Variants in DCAKD observed in about 807,000 individuals in gnomAD.
DCAKD encodes dephospho-CoA kinase domain containing.
In DCAKD, 15 loss-of-function variants were observed where a neutral mutation model predicts 18.7. That is an observed-to-expected ratio of 0.80 (90% confidence interval 0.54 to 1.24). The LOEUF is 1.24. Ranked by LOEUF, DCAKD falls within the 50% of genes most tolerant of loss-of-function variation. The pLI, the probability that DCAKD is intolerant of heterozygous loss-of-function variation, is 0.00. For synonymous variants in DCAKD, 130 were observed against 133.0 expected, an observed-to-expected ratio of 0.98 and a Z score of 0.16; for missense variants, 301 against 322.0, an observed-to-expected ratio of 0.93 and a Z score of 0.50.
At position 45,034,303 on chromosome 17, in the gene DCAKD, T is replaced by G. The variant is rs761111925; in HGVS notation, c.200A>C (p.Lys67Thr). The G allele has an allele frequency of 6.2e-7, 1 of 1,614,196 alleles. No homozygotes were observed. The highest frequency in any genetic ancestry group is 1.3e-5 in the African/African-American group (1 of 75,064). The change falls in exon 3 of 5, where the codon AAG becomes ACG. Residue 67 changes from lysine to threonine, a missense_variant. Coordinates refer to ENST00000651974, the MANE Select transcript of DCAKD (RefSeq NM_001288655.2). ...VLLENGDINR[K>T]VLGDLIFNQP... ...GTTAAAGATCAGGTCCCCCAGGACC[T>G]TGCGATTTATGTCGCCGTTCTCCAG...
At chr17:45,061,006 A>G in exon 1 of DCAKD, 4 of 1,112,126 alleles carry the variant, frequency 3.6e-6, no homozygotes, top group Non-Finnish European at 4.4e-6. Flanking sequence ...GAAACCCTAA[A>G]CCAGCATCGA....
At chr17:45,025,201 G>A (rs1262350937) in intron 4 of DCAKD, among the ~76,000 whole-genome samples, 1 of 151,838 alleles carries the variant, frequency 6.6e-6, no homozygotes, top group African/African-American at 2.4e-5. Context: ...GGGGGCCTGG[G>A]TCTTCAGTAT....
intron 4 of DCAKD, 63 bp downstream of exon 4, chr17:45,030,029 G>A: frequency 6.9e-7 from 1 of 1,454,944 alleles, no homozygotes; most frequent in Non-Finnish European, 9.7e-7. Context: ...GCAAAATGAT[G>A]TGGGCTGTTT....
intron 1 of DCAKD, among the ~76,000 whole-genome samples, chr17:45,059,571 T>G (rs1162351823): frequency 6.6e-6 from 1 of 152,176 alleles, no homozygotes; most frequent in East Asian, 1.9e-4. Context: ...TAAAAACAGA[T>G]TAAAATGTGG....
chr17:45,050,298 C>T (rs2053664589), intron 1 of DCAKD, among the ~76,000 whole-genome samples: 1 of 152,098 alleles, frequency 6.6e-6, no homozygotes, highest in Non-Finnish European at 1.5e-5. Flanking sequence ...CCCTCCTCAA[C>T]CTACCAAAGC....
intron 3 of DCAKD, among the ~76,000 whole-genome samples, chr17:45,030,635 A>C (rs892958234): frequency 6.6e-6 from 1 of 152,364 alleles, no homozygotes; most frequent in East Asian, 1.9e-4. Flanking sequence ...AGAAACAAAC[A>C]AACAAACAAA....
At chr17:45,058,325 A>G (rs2053809448) in intron 1 of DCAKD, among the ~76,000 whole-genome samples, 1 of 152,172 alleles carries the variant, frequency 6.6e-6, no homozygotes, top group African/African-American at 2.4e-5. Context: ...AAATAATAAT[A>G]AATAAAAATA....
chr17:45,041,403 C>T (rs552238506), intron 1 of DCAKD, among the ~76,000 whole-genome samples: 2 of 151,996 alleles, frequency 1.3e-5, no homozygotes, highest in Non-Finnish European at 2.9e-5. Flanking sequence ...CTCCGCCTCC[C>T]GGGTTCACGC....
intron 1 of DCAKD, among the ~76,000 whole-genome samples, chr17:45,043,444 C>A (rs529116812): frequency 6.6e-6 from 1 of 152,162 alleles, no homozygotes; most frequent in Non-Finnish European, 1.5e-5. Flanking sequence ...CACTTGAACC[C>A]TGCAGGCTGG....
chr17:45,054,038 A>C, upstream of DCAKD: 1 of 514,040 alleles, frequency 1.9e-6, no homozygotes, highest in South Asian at 1.4e-5. Context: ...CATCTTTCTC[A>C]GATCACCTGA....
chr17:45,057,709 A>G (rs1840285861), intron 1 of DCAKD, among the ~76,000 whole-genome samples: 1 of 149,950 alleles, frequency 6.7e-6, no homozygotes, highest in Admixed American at 6.7e-5. Context: ...TCTCAAAAAA[A>G]AAAAAAAAAC....
intron 1 of DCAKD, among the ~76,000 whole-genome samples, chr17:45,041,463 A>T (rs1446692601): frequency 6.6e-6 from 1 of 152,034 alleles, no homozygotes; most frequent in Non-Finnish European, 1.5e-5. Flanking sequence ...GGCGCCTGCC[A>T]TCATGCCCGG....
upstream of DCAKD, among the ~76,000 whole-genome samples, chr17:45,052,099 G>A (rs1368544324): frequency 6.7e-6 from 1 of 149,478 alleles, no homozygotes; most frequent in African/African-American, 2.5e-5. Context: ...GCGGGAGGGC[G>A]GCCGGACGGA....
At chr17:45,053,186 A>C (rs867284780), upstream of DCAKD, among the ~76,000 whole-genome samples, 3,259 of 149,048 alleles carry the variant, frequency 0.022, 107 homozygotes, top group Middle Eastern at 0.038. Context: ...AAAAAAAAAA[A>C]AAAAAAAAAA....
intron 4 of DCAKD, 148 bp downstream of exon 4, chr17:45,029,944 T>C: frequency 1.4e-6 from 1 of 717,194 alleles, no homozygotes; most frequent in South Asian, 1.6e-5. Flanking sequence ...GCACAAAGGT[T>C]GGTTTCTACA....
chr17:45,032,781 CA>C (rs552915127), intron 3 of DCAKD, among the ~76,000 whole-genome samples: 178 of 138,338 alleles, frequency 1.3e-3, no homozygotes, highest in Admixed American at 1.2e-3. Context: ...GACTCCATCT[CA>C]AAAAAAAAAA....
chr17:45,047,297 T>C (rs1031835481), intron 1 of DCAKD, among the ~76,000 whole-genome samples: 13 of 152,052 alleles, frequency 8.5e-5, no homozygotes, highest in Non-Finnish European at 1.8e-4. Flanking sequence ...GCTTATTTTT[T>C]TCGAGGCAGA....
In DCAKD at chr17:45,049,713, CTTTTTTTTTTT is replaced by C. The variant is rs57106886; in HGVS notation, c.-115+1637_-115+1647del. On this transcript the variant is annotated intron_variant, in intron 1 of 4. Coordinates refer to ENST00000651974, the MANE Select transcript of DCAKD (RefSeq NM_001288655.2). ...AGCAGGTAATTTTCTTTTTCTTTTC[CTTTTTTTTTTT>C]TTTTTTTTTTTTGAAACAGAGTCTT... 1.3e-4 allele frequency among the ~76,000 whole-genome samples: 15 copies of C among 111,886 alleles called. 1 individual carries two copies. The highest frequency in any genetic ancestry group is 1.6e-4 in the Non-Finnish European group (9 of 57,370). 73.4% of individuals were successfully genotyped at this position (111,886 alleles called of 152,430 possible). A position where few individuals can be genotyped will look rare whatever the true frequency, so the allele number is the denominator to read the frequency against.
intron 3 of DCAKD, chr17:45,031,913 C>T: frequency 1.0e-6 from 1 of 985,458 alleles, no homozygotes; most frequent in Non-Finnish European, 1.2e-6. Flanking sequence ...AAAACTGGGA[C>T]TGTGGAAGCC....
Sources: allele counts gnomAD v4.1 joint callset (sites outside exome capture counted in the v4.1 genomes callset), GRCh38; gene constraint gnomAD v4.1.1; transcripts MANE v1.5; gene names NCBI Gene and HGNC (gene_info 2026-07-23, HGNC 2026-07-21).